The following ABCA12 variants were observed in gnomAD, a reference collection of about 807,000 sequenced individuals.
ABCA12 encodes the protein ATP binding cassette subfamily A member 12, also known as glucosylceramide transporter ABCA12.
A neutral mutation model predicts 293.5 loss-of-function variants in ABCA12; 156 were observed. The ratio of observed to expected loss-of-function variants is 0.53; its 90% CI spans 0.47 to 0.61. The LOEUF is 0.61. ABCA12 is among the 20% of genes least tolerant of loss of function. The pLI is 0.00. For synonymous variants in ABCA12, 1,063 were observed against 1,108.0 expected, an observed-to-expected ratio of 0.96 and a Z score of 0.81; for missense variants, 2,797 against 3,090.2, an observed-to-expected ratio of 0.91 and a Z score of 2.25.
Position 214,987,693 on chromosome 2 carries a change from G to A in ABCA12, c.3930C>T (p.Gly1310=), listed in dbSNP as rs145550325. Residue 1310 remains glycine, a synonymous_variant, in exon 27 of 53, where the codon GGC becomes GGT. Transcript: ENST00000272895. ...GCATCATGATGTTAGTAAACATGAGGCCATTGCTCTTCTCAGGCTTCACCT... is the reference window on the plus strand; with the variant it reads ...GCATCATGATGTTAGTAAACATGAGACCATTGCTCTTCTCAGGCTTCACCT... ...CAEVKPEKSN[G]LMFTNIMMQN... 2.7e-4 allele frequency: 443 copies of A among 1,614,064 alleles called. No individual in the cohort carries two copies. The highest frequency in any genetic ancestry group is 1.2e-3 in the Middle Eastern group (7 of 6,060).
intron 2 of ABCA12, among the ~76,000 whole-genome samples, chr2:215,110,317 C>T (rs372956436): frequency 1.8e-4 from 27 of 152,118 alleles, no homozygotes; most frequent in East Asian, 1.2e-3. Flanking sequence ...AAGACCATCC[C>T]GGCTAACACA....
chr2:215,094,371 C>T (rs1206107554), intron 2 of ABCA12, among the ~76,000 whole-genome samples: 4 of 152,174 alleles, frequency 2.6e-5, no homozygotes, highest in African/African-American at 9.6e-5. Context: ...AGCTAGCGTT[C>T]CAACTTCTGT....
intron 36 of ABCA12, among the ~76,000 whole-genome samples, chr2:214,970,821 A>G (rs548738537): frequency 1.2e-4 from 18 of 152,258 alleles, no homozygotes; most frequent in African/African-American, 4.3e-4. Context: ...ATAGCAGTGG[A>G]TGAAAAGTTT....
At chr2:214,984,760 C>T (rs1043578962) in intron 28 of ABCA12, among the ~76,000 whole-genome samples, 1 of 152,140 alleles carries the variant, frequency 6.6e-6, no homozygotes, top group Admixed American at 6.5e-5. Flanking sequence ...TAACTACATG[C>T]CCATCTCACC....
chr2:214,978,894 C>G lies in ABCA12; in HGVS notation c.4887G>C (p.Gly1629=). ...VLPPFSTKVS[G]AYLSLLRALD... Reference sequence around the variant, plus strand: ...GTGCCCGTAGGAGTGACAGGTAGGCCCCTGAGACTTTGGTGCTGAATGGAG... The same window carrying G: ...GTGCCCGTAGGAGTGACAGGTAGGCGCCTGAGACTTTGGTGCTGAATGGAG... Residue 1629 remains glycine, a synonymous_variant, in exon 32 of 53, where the codon GGG becomes GGC. Coordinates refer to ENST00000272895, the MANE Select transcript of ABCA12 (RefSeq NM_173076.3). The G allele has an allele frequency of 6.2e-7, 1 of 1,613,916 alleles. No homozygotes were observed. The highest frequency in any genetic ancestry group is 8.5e-7 in the Non-Finnish European group (1 of 1,179,954).
intron 7 of ABCA12, among the ~76,000 whole-genome samples, chr2:215,043,323 A>G (rs925413766): frequency 6.6e-6 from 1 of 152,148 alleles, no homozygotes; most frequent in Admixed American, 6.5e-5. Flanking sequence ...AGCTATTTTC[A>G]TTATTATGCA....
intron 2 of ABCA12, among the ~76,000 whole-genome samples, chr2:215,079,182 C>T (rs1029570401): frequency 2.0e-5 from 3 of 152,160 alleles, no homozygotes; most frequent in African/African-American, 4.8e-5. Flanking sequence ...AACCCTCATA[C>T]CATCTTTTCT....
At chr2:215,001,422 T>C (rs2105989578) in intron 21 of ABCA12, 136 bp downstream of exon 21, 1 of 1,042,074 alleles carries the variant, frequency 9.6e-7, no homozygotes, top group East Asian at 2.4e-5. Flanking sequence ...ACATGAAAGG[T>C]TCTCTTTTCT....
chr2:215,091,208 CT>C (rs894551787), intron 2 of ABCA12, among the ~76,000 whole-genome samples: 3 of 152,096 alleles, frequency 2.0e-5, no homozygotes, highest in African/African-American at 7.2e-5. Flanking sequence ...ATGGGCCCAT[CT>C]GACCTCTCCA....
intron 26 of ABCA12, among the ~76,000 whole-genome samples, chr2:214,988,387 A>G (rs1699833653): frequency 6.6e-6 from 1 of 152,182 alleles, no homozygotes; most frequent in South Asian, 2.1e-4. Context: ...CTATAACTCA[A>G]AAAATTTGTC....
intron 23 of ABCA12, among the ~76,000 whole-genome samples, chr2:214,997,049 A>G (rs1030638024): frequency 6.6e-6 from 1 of 152,188 alleles, no homozygotes; most frequent in Admixed American, 6.5e-5. Flanking sequence ...AAGAAGTAAG[A>G]TATTTTGGAT....
chr2:215,114,735 G>A (rs1393430986), intron 1 of ABCA12, among the ~76,000 whole-genome samples: 3 of 152,070 alleles, frequency 2.0e-5, no homozygotes, highest in African/African-American at 4.8e-5. Flanking sequence ...ACAAGGTATC[G>A]TCTTTATTTT....
chr2:215,105,783 G>T (rs765422201), intron 2 of ABCA12, among the ~76,000 whole-genome samples: 3 of 152,108 alleles, frequency 2.0e-5, no homozygotes, highest in Non-Finnish European at 2.9e-5. Context: ...GGAGGTAAAC[G>T]AAGGGAGGAG....
At chr2:215,015,323 T>A (rs1003850460) in intron 15 of ABCA12, among the ~76,000 whole-genome samples, 167 bp downstream of exon 15, 1 of 152,032 alleles carries the variant, frequency 6.6e-6, no homozygotes, top group African/African-American at 2.4e-5. Flanking sequence ...ACGTGCAAAA[T>A]TGCAATAAAT....
chr2:215,020,107 T>A (rs1012932355), intron 11 of ABCA12, among the ~76,000 whole-genome samples: 1 of 152,212 alleles, frequency 6.6e-6, no homozygotes, highest in African/African-American at 2.4e-5. Flanking sequence ...AATTTTATAT[T>A]TTGATTTATA....
intron 45 of ABCA12, 65 bp from the exon 46 acceptor site, chr2:214,949,214 T>C: frequency 9.1e-7 from 1 of 1,094,838 alleles, no homozygotes; most frequent in Non-Finnish European, 1.4e-6. Context: ...TGCTTTTGTA[T>C]CTCTCCCTCT....
At chr2:215,012,208 T>A in intron 15 of ABCA12, 73 bp from the exon 16 acceptor site, 1 of 1,441,408 alleles carries the variant, frequency 6.9e-7, no homozygotes, top group Non-Finnish European at 9.7e-7. Flanking sequence ...GGTAAGGTTG[T>A]AGAAAGGTAC....
At chr2:215,014,759 G>A (rs1027288963) in intron 15 of ABCA12, among the ~76,000 whole-genome samples, 2 of 152,188 alleles carry the variant, frequency 1.3e-5, no homozygotes, top group African/African-American at 4.8e-5. Context: ...CTGTGGCTAT[G>A]TCTCAAAAAT....
intron 23 of ABCA12, among the ~76,000 whole-genome samples, chr2:214,994,595 A>G (rs1192245221): frequency 6.6e-6 from 1 of 152,236 alleles, no homozygotes; most frequent in Non-Finnish European, 1.5e-5. Flanking sequence ...ACTCATAAGG[A>G]ATAATAACAT....
Sources: allele counts gnomAD v4.1 joint callset (sites outside exome capture counted in the v4.1 genomes callset), GRCh38; gene constraint gnomAD v4.1.1; transcripts MANE v1.5; gene names NCBI Gene and HGNC (gene_info 2026-07-23, HGNC 2026-07-21).